HLCS: variants seen among roughly 807,000 people sequenced by gnomAD.
HLCS encodes the protein biotin--protein ligase.
A neutral mutation model predicts 75.0 loss-of-function variants in HLCS; 53 were observed. The ratio of observed to expected loss-of-function variants is 0.71; its 90% confidence interval spans 0.57 to 0.89. The LOEUF (loss-of-function observed/expected upper bound fraction) is 0.89, where lower values mean the gene tolerates loss of function less well. Ranked by LOEUF, HLCS falls within the 40% of genes least tolerant of loss-of-function variation. HLCS has a pLI of 0.00. For missense variants in HLCS, 966 were observed against 1,074.0 expected (o/e 0.90, Z 1.41); for synonymous variants, 431 against 428.6 (o/e 1.01, Z -0.07).
chr21:36,755,850 C>T, intron 10 of HLCS, among the ~76,000 whole-genome samples: 1 of 152,218 alleles, frequency 6.6e-6, no homozygotes, highest in Non-Finnish European at 1.5e-5. Flanking sequence ...GATGCAGTAG[C>T]CCCTGGTTGA....
intron 5 of HLCS, among the ~76,000 whole-genome samples, chr21:36,912,949 C>T (rs992893798): frequency 1.3e-5 from 2 of 152,204 alleles, no homozygotes; most frequent in Non-Finnish European, 2.9e-5. Context: ...TTTCCACCCA[C>T]TTCTCCAGCT....
intron 1 of HLCS, chr21:36,972,348 C>T (rs1450881073): frequency 2.0e-5 from 3 of 152,134 alleles, no homozygotes; most frequent in Non-Finnish European, 2.9e-5. Flanking sequence ...CAGGGTCTTG[C>T]CCTACCACCC....
intron 6 of HLCS, among the ~76,000 whole-genome samples, chr21:36,801,466 A>C (rs2061198831): frequency 6.6e-6 from 1 of 152,258 alleles, no homozygotes; most frequent in Non-Finnish European, 1.5e-5. Context: ...TTTTAACAGG[A>C]ATAAAAATAA....
intron 6 of HLCS, among the ~76,000 whole-genome samples, chr21:36,874,663 GCC>G (rs924910097): frequency 1.3e-4 from 20 of 152,208 alleles, no homozygotes; most frequent in African/African-American, 4.3e-4. Context: ...GGACGTGGTG[GCC>G]CATCTGGAGC....
chr21:36,962,290 T>A, intron 1 of HLCS, 120 bp from the exon 2 acceptor site: 1 of 615,210 alleles, frequency 1.6e-6, no homozygotes, highest in Non-Finnish European at 2.4e-6. Flanking sequence ...AATAAGCTTA[T>A]CTGATGCTCC....
intron 6 of HLCS, among the ~76,000 whole-genome samples, chr21:36,798,732 T>C (rs2061106140): frequency 6.6e-6 from 1 of 152,254 alleles, no homozygotes; most frequent in Non-Finnish European, 1.5e-5. Flanking sequence ...GCCCTACTAA[T>C]GCATGTGAAG....
At chr21:36,843,375 C>T (rs1601479163) in intron 6 of HLCS, among the ~76,000 whole-genome samples, 1 of 152,136 alleles carries the variant, frequency 6.6e-6, no homozygotes, top group East Asian at 1.9e-4. Flanking sequence ...GAAGTCGAGA[C>T]TCCAGTGAGC....
chr21:36,863,140 T>A (rs979580338), intron 6 of HLCS, among the ~76,000 whole-genome samples: 6 of 152,204 alleles, frequency 3.9e-5, no homozygotes, highest in African/African-American at 1.4e-4. Context: ...TGAGTGCACA[T>A]TATTCTCCCA....
upstream of HLCS, among the ~76,000 whole-genome samples, chr21:36,967,054 G>C (rs569003371): frequency 3.3e-5 from 5 of 152,120 alleles, no homozygotes; most frequent in African/African-American, 1.2e-4. Context: ...GGAGGCTCCA[G>C]TGGCTGCCCG....
At chr21:36,975,307 G>C (rs2068906247) in intron 1 of HLCS, 1 of 152,102 alleles carries the variant, frequency 6.6e-6, no homozygotes, top group Non-Finnish European at 1.5e-5. Flanking sequence ...TTGGTAGGCG[G>C]GACCTCTGCA....
chr21:36,824,241 C>G (rs180985714), intron 6 of HLCS, among the ~76,000 whole-genome samples: 40 of 152,258 alleles, frequency 2.6e-4, no homozygotes, highest in Admixed American at 1.3e-3. Flanking sequence ...ATATATACAC[C>G]ATGTAATACT....
At chr21:36,817,846 C>A (rs1177114682) in intron 6 of HLCS, among the ~76,000 whole-genome samples, 1 of 152,182 alleles carries the variant, frequency 6.6e-6, no homozygotes, top group Non-Finnish European at 1.5e-5. Flanking sequence ...GTCCAACGAT[C>A]CTACACATCA....
rs181991249 is a variant in HLCS at position 36,906,736 on chromosome 21, T to C, written c.1621-9605A>G. Among the ~76,000 whole-genome samples the C allele has an allele frequency of 4.6e-5, 7 of 151,184 alleles. No homozygotes were observed. In the East Asian group the frequency reaches 1.2e-3, roughly 25 times the overall value. ...TGAAAATAGAAACTATTTTAAATGG[T>C]CAAAACAATTTTGGGAAGGAACAAA... On this transcript the variant is annotated intron_variant, in intron 5 of 10. Coordinates refer to ENST00000674895, the MANE Select transcript of HLCS (RefSeq NM_001352514.2).
At chr21:36,838,296 G>T (rs1382908244) in intron 6 of HLCS, among the ~76,000 whole-genome samples, 1 of 121,604 alleles carries the variant, frequency 8.2e-6, no homozygotes, top group Non-Finnish European at 1.6e-5. Context: ...TGGGGTGAAT[G>T]ATCACACACA....
At chr21:36,896,758 C>T (rs181805809) in intron 6 of HLCS, 102 bp downstream of exon 6, 20 of 1,334,212 alleles carry the variant, frequency 1.5e-5, no homozygotes, top group African/African-American at 1.3e-4. Flanking sequence ...TCTGGTCAAA[C>T]GTATTCCTCT....
At chr21:36,943,771 A>C (rs2067256092) in intron 2 of HLCS, 1 of 152,310 alleles carries the variant, frequency 6.6e-6, no homozygotes, top group Non-Finnish European at 1.5e-5. Flanking sequence ...GTGAGCTGTG[A>C]TCATGCCACT....
At chr21:36,928,774 T>C (rs999462509) in intron 5 of HLCS, among the ~76,000 whole-genome samples, 2 of 152,170 alleles carry the variant, frequency 1.3e-5, no homozygotes, top group African/African-American at 2.4e-5. Context: ...AAAATAATTA[T>C]TTTCCAAAGT....
chr21:36,814,060 T>C (rs1306123798), intron 6 of HLCS, among the ~76,000 whole-genome samples: 1 of 152,130 alleles, frequency 6.6e-6, no homozygotes, highest in Non-Finnish European at 1.5e-5. Flanking sequence ...TAGGGCTTAA[T>C]TCATGTGGTG....
intron 6 of HLCS, among the ~76,000 whole-genome samples, chr21:36,828,991 A>G (rs2062105102): frequency 6.6e-6 from 1 of 152,212 alleles, no homozygotes; most frequent in Admixed American, 6.5e-5. Flanking sequence ...CAAGTTCCTA[A>G]ACTAACAGGA....
Sources: gnomAD v4.1 joint callset for allele counts (sites outside exome capture counted in the v4.1 genomes callset) on GRCh38, gnomAD v4.1.1 for gene constraint, MANE v1.5 for transcripts, NCBI Gene and HGNC (gene_info 2026-07-23, HGNC 2026-07-21) for gene names.